The following OR9Q1 variants were observed in gnomAD, a reference collection of about 807,000 sequenced individuals.
OR9Q1 encodes the protein olfactory receptor family 9 subfamily Q member 1, also known as olfactory receptor 9Q1.
For synonymous variants in OR9Q1, 153 were observed against 148.6 expected, an observed-to-expected ratio of 1.03 and a Z score of -0.22; for missense variants, 374 against 378.8, an observed-to-expected ratio of 0.99 and a Z score of 0.11.
At chr11:58,156,421 C>T (rs1854408235) in intron 2 of OR9Q1, among the ~76,000 whole-genome samples, 1 of 152,166 alleles carries the variant, frequency 6.6e-6, no homozygotes, top group Non-Finnish European at 1.5e-5. Flanking sequence ...CAGGGTAGAA[C>T]ATAGCTTCAA....
At chr11:58,126,453 A>G (rs2119829063) in intron 2 of OR9Q1, among the ~76,000 whole-genome samples, 1 of 152,316 alleles carries the variant, frequency 6.6e-6, no homozygotes, top group Admixed American at 6.5e-5. Flanking sequence ...CAAAGAGGCC[A>G]TGTGCTCTGT....
intron 1 of OR9Q1, chr11:58,047,429 T>C (rs1475432136): frequency 1.3e-5 from 2 of 152,134 alleles, no homozygotes; most frequent in Non-Finnish European, 2.9e-5. Flanking sequence ...TCCTGACAGG[T>C]CTGGGAGAAC....
chr11:58,101,445 G>A (rs1350199542), intron 2 of OR9Q1, among the ~76,000 whole-genome samples: 2 of 152,144 alleles, frequency 1.3e-5, no homozygotes, highest in Non-Finnish European at 2.9e-5. Flanking sequence ...TTTGAGAAAT[G>A]TCTATTCATG....
intron 2 of OR9Q1, among the ~76,000 whole-genome samples, chr11:58,154,456 A>G (rs1172454638): frequency 6.6e-6 from 1 of 151,036 alleles, no homozygotes; most frequent in African/African-American, 2.4e-5. Context: ...TTCCCAATCC[A>G]ACATTATTTT....
chr11:58,047,019 C>T (rs1853223494), intron 1 of OR9Q1, among the ~76,000 whole-genome samples: 2 of 152,210 alleles, frequency 1.3e-5, no homozygotes, highest in South Asian at 4.1e-4. Flanking sequence ...AAGGCTAAAT[C>T]AGTAGTATCT....
At chr11:58,110,456 C>G (rs892017853) in intron 2 of OR9Q1, among the ~76,000 whole-genome samples, 1 of 152,094 alleles carries the variant, frequency 6.6e-6, no homozygotes. Context: ...TCTGTGAAAC[C>G]ATTAGGTTTA....
intron 2 of OR9Q1, among the ~76,000 whole-genome samples, chr11:58,063,954 TGAGATG>T (rs1853404499): frequency 6.6e-6 from 1 of 152,098 alleles, no homozygotes; most frequent in Non-Finnish European, 1.5e-5. Context: ...AAAGGAGGAA[TGAGATG>T]ATCCTAGCCT....
chr11:58,154,076 A>AGAG (rs1854380471), intron 2 of OR9Q1, among the ~76,000 whole-genome samples: 1 of 151,276 alleles, frequency 6.6e-6, no homozygotes, highest in African/African-American at 2.4e-5. Flanking sequence ...GGAGAGAGCG[A>AGAG]GAGAAGAAGA....
intron 1 of OR9Q1, chr11:58,031,801 T>A (rs773726703): frequency 1.2e-6 from 2 of 1,614,102 alleles, no homozygotes; most frequent in South Asian, 2.2e-5. Flanking sequence ...TCTTCTACTC[T>A]GTTGTCACGC....
intron 2 of OR9Q1, among the ~76,000 whole-genome samples, chr11:58,056,982 T>G (rs1853334393): frequency 7.5e-6 from 1 of 133,684 alleles, no homozygotes; most frequent in Non-Finnish European, 1.5e-5. Flanking sequence ...GGTTATACAA[T>G]TCAGGTTTTT....
intron 2 of OR9Q1, among the ~76,000 whole-genome samples, chr11:58,100,809 C>T (rs985564882): frequency 9.2e-5 from 14 of 151,796 alleles, no homozygotes; most frequent in East Asian, 3.9e-4. Flanking sequence ...ATATACACAA[C>T]GGAATTTTAT....
intron 2 of OR9Q1, among the ~76,000 whole-genome samples, chr11:58,102,999 CTTGT>C (rs1230437099): frequency 1.3e-5 from 2 of 151,892 alleles, no homozygotes; most frequent in East Asian, 3.9e-4. Context: ...GAAGCTCTCA[CTTGT>C]TTATTTGATT....
chr11:58,102,758 A>G (rs1325384782), intron 2 of OR9Q1, among the ~76,000 whole-genome samples: 1 of 152,096 alleles, frequency 6.6e-6, no homozygotes, highest in Admixed American at 6.6e-5. Flanking sequence ...GTTGGGTTGA[A>G]TTTATTTAGG....
At chr11:58,034,824 T>TCCTTCCTTCCTTCCTTCCTTCCTG (rs1853084657) in intron 1 of OR9Q1, among the ~76,000 whole-genome samples, 1 of 140,352 alleles carries the variant, frequency 7.1e-6, no homozygotes, top group South Asian at 2.4e-4. Context: ...CTTCCTTCCT[T>TCCTTCCTTCCTTCCTTCCTTCCTG]GCTTCCTTCC....
chr11:58,033,439 T>C (rs1284623348), intron 1 of OR9Q1, among the ~76,000 whole-genome samples: 1 of 152,162 alleles, frequency 6.6e-6, no homozygotes, highest in Non-Finnish European at 1.5e-5. Context: ...AAGAATGAAA[T>C]TGTATTATAT....
In OR9Q1 at chr11:58,180,442, ATT is replaced by A. The variant is rs1269771892; in HGVS notation, c.*66_*67del. The A allele has an allele frequency of 1.0e-6, 1 of 985,362 alleles. No homozygotes were observed. The highest frequency in any genetic ancestry group is 2.4e-5 in the East Asian group (1 of 41,284). 61.0% of individuals were successfully genotyped at this position (985,362 alleles called of 1,614,324 possible). A position where few individuals can be genotyped will look rare whatever the true frequency, so the allele number is the denominator to read the frequency against. ...TGTAGTGTCAGAATTCTGGACGCTC[ATT>A]ATTTATAGCATGCTCAATGTTTAAA... On this transcript the variant is annotated 3_prime_UTR_variant, in exon 3 of 3. Coordinates refer to ENST00000335397, the MANE Select transcript of OR9Q1 (RefSeq NM_001005212.4).
At chr11:58,097,577 A>C (rs1175896677) in intron 2 of OR9Q1, among the ~76,000 whole-genome samples, 1 of 152,222 alleles carries the variant, frequency 6.6e-6, no homozygotes, top group Non-Finnish European at 1.5e-5. Flanking sequence ...GTCTACCATA[A>C]AACCCTAGGT....
At chr11:58,126,562 A>G (rs901594813) in intron 2 of OR9Q1, among the ~76,000 whole-genome samples, 1 of 152,214 alleles carries the variant, frequency 6.6e-6, no homozygotes, top group Non-Finnish European at 1.5e-5. Context: ...GCCAGATGCC[A>G]GTTGATACAA....
chr11:58,080,183 T>C (rs1023004220), intron 2 of OR9Q1, among the ~76,000 whole-genome samples: 2 of 152,128 alleles, frequency 1.3e-5, no homozygotes, highest in Admixed American at 1.3e-4. Flanking sequence ...TATTGTTCCA[T>C]TGTTTATGTC....
Sources: allele counts gnomAD v4.1 joint callset (sites outside exome capture counted in the v4.1 genomes callset), GRCh38; gene constraint gnomAD v4.1.1; transcripts MANE v1.5; gene names NCBI Gene and HGNC (gene_info 2026-07-23, HGNC 2026-07-21).